Variants in LOXL2 observed in about 807,000 individuals in gnomAD.
LOXL2 encodes lysyl oxidase homolog 2.
LOXL2 carries 70 observed loss-of-function variants against 93.0 expected under a neutral mutation model. The ratio of observed to expected loss-of-function variants is 0.75; its 90% confidence interval spans 0.62 to 0.92. The LOEUF (loss-of-function observed/expected upper bound fraction) is 0.92. Ranked by LOEUF, LOXL2 falls within the 40% of genes least tolerant of loss-of-function variation. LOXL2 has a pLI of 0.00. For missense variants in LOXL2, 973 were observed against 1,054.9 expected (o/e 0.92, Z 1.08); for synonymous variants, 438 against 413.2 (o/e 1.06, Z -0.73).
rs191828426 is a variant in LOXL2, at chr8:23,394,318, G to A, written c.-84+9636C>T. Among the ~76,000 whole-genome samples, 50 of 151,510 alleles carry A rather than the reference G, an allele frequency of 3.3e-4. 1 individual carries two copies. The highest frequency in any genetic ancestry group is 1.4e-3 in the East Asian group (7 of 5,126). ...TGAGGCAGGAGAATCGCTTGAACTCGGGAGGTGGAGGTTGCAATGAGCCGA... is the reference window on the plus strand; with the variant it reads ...TGAGGCAGGAGAATCGCTTGAACTCAGGAGGTGGAGGTTGCAATGAGCCGA... On this transcript the variant is annotated intron_variant, in intron 1 of 13. Transcript: ENST00000389131.
intron 10 of LOXL2, among the ~76,000 whole-genome samples, chr8:23,309,395 G>T (rs1172107656): frequency 6.6e-6 from 1 of 152,230 alleles, no homozygotes; most frequent in South Asian, 2.1e-4. Flanking sequence ...CAACGAGGAG[G>T]GTATGGGCGC....
intron 5 of LOXL2, among the ~76,000 whole-genome samples, chr8:23,332,849 C>T (rs186979119): frequency 1.5e-5 from 2 of 133,536 alleles, no homozygotes; most frequent in Admixed American, 1.6e-4. Flanking sequence ...CCCCCGCACA[C>T]ATACACACAC....
chr8:23,325,716 T>G (rs1397912043), intron 6 of LOXL2, among the ~76,000 whole-genome samples: 1 of 152,212 alleles, frequency 6.6e-6, no homozygotes, highest in Admixed American at 6.5e-5. Flanking sequence ...CGCTGCATGC[T>G]GGCGGACTCG....
At chr8:23,377,594 A>C (rs1257968762) in intron 1 of LOXL2, among the ~76,000 whole-genome samples, 1 of 151,994 alleles carries the variant, frequency 6.6e-6, no homozygotes, top group African/African-American at 2.4e-5. Flanking sequence ...GTAGATCTTT[A>C]AGGACTTGCT....
At chr8:23,367,730 G>A (rs1014354241) in intron 2 of LOXL2, among the ~76,000 whole-genome samples, 5 of 152,172 alleles carry the variant, frequency 3.3e-5, no homozygotes, top group Non-Finnish European at 5.9e-5. Flanking sequence ...TTCCCAGGAT[G>A]TGAGACTTTC....
intron 7 of LOXL2, among the ~76,000 whole-genome samples, chr8:23,320,415 T>C (rs1291290275): frequency 1.3e-5 from 2 of 152,174 alleles, no homozygotes. Flanking sequence ...GGCACTTTTC[T>C]CTTTGCCACA....
intron 3 of LOXL2, among the ~76,000 whole-genome samples, chr8:23,353,200 C>T (rs944096356): frequency 6.6e-6 from 1 of 152,092 alleles, no homozygotes; most frequent in Admixed American, 6.5e-5. Context: ...GTCATCTTTC[C>T]TTATCTAATG....
chr8:23,390,695 G>C (rs1804831753), intron 1 of LOXL2, among the ~76,000 whole-genome samples: 1 of 152,150 alleles, frequency 6.6e-6, no homozygotes, highest in South Asian at 2.1e-4. Context: ...GAGTGCAAAA[G>C]CCAAATACAT....
intron 2 of LOXL2, chr8:23,364,656 G>C (rs1109986): frequency 0.54 from 81,233 of 151,712 alleles, 22,066 homozygotes; most frequent in Admixed American, 0.63. Flanking sequence ...GCCAACGTGG[G>C]AAAACCCCGT....
intron 9 of LOXL2, among the ~76,000 whole-genome samples, chr8:23,312,217 G>A (rs1235490879): frequency 6.6e-6 from 1 of 151,290 alleles, no homozygotes; most frequent in East Asian, 1.9e-4. Flanking sequence ...TTCTACCAGA[G>A]GTATAAGGAG....
intron 3 of LOXL2, among the ~76,000 whole-genome samples, chr8:23,354,791 G>A (rs1804158753): frequency 2.0e-5 from 3 of 151,840 alleles, no homozygotes; most frequent in Admixed American, 6.6e-5. Context: ...CTGGCAGGAT[G>A]TTGTCCAGTT....
chr8:23,367,152 G>A (rs763006091), intron 2 of LOXL2, among the ~76,000 whole-genome samples: 6 of 152,106 alleles, frequency 3.9e-5, no homozygotes, highest in African/African-American at 7.2e-5. Flanking sequence ...GGGTTCAAGC[G>A]ATTTTTGTGC....
At chr8:23,383,628 C>G (rs1286850555) in intron 1 of LOXL2, among the ~76,000 whole-genome samples, 1 of 139,574 alleles carries the variant, frequency 7.2e-6, no homozygotes, top group Admixed American at 7.1e-5. Flanking sequence ...TTAGTTATTT[C>G]TAAGAGGGCA....
chr8:23,387,490 T>C (rs1804782483), intron 1 of LOXL2, among the ~76,000 whole-genome samples: 1 of 152,162 alleles, frequency 6.6e-6, no homozygotes, highest in Non-Finnish European at 1.5e-5. Flanking sequence ...GGCGGGATGC[T>C]CTGCCACCTC....
At chr8:23,299,976 G>C (rs1415593777) in intron 12 of LOXL2, among the ~76,000 whole-genome samples, 1 of 152,232 alleles carries the variant, frequency 6.6e-6, no homozygotes, top group African/African-American at 2.4e-5. Context: ...TGTGCCTTTA[G>C]CTAAGGAGGT....
chr8:23,328,338 T>C (rs771108361), intron 6 of LOXL2, 44 bp downstream of exon 6: 2 of 1,598,290 alleles, frequency 1.3e-6, no homozygotes, highest in Non-Finnish European at 1.7e-6. Context: ...CACGGCACCA[T>C]GCTCCCAGGA....
chr8:23,390,245 T>G (rs1269328893), intron 1 of LOXL2, among the ~76,000 whole-genome samples: 1 of 152,162 alleles, frequency 6.6e-6, no homozygotes, highest in Non-Finnish European at 1.5e-5. Context: ...GGGAACACAT[T>G]CCTTTGTGGA....
At chr8:23,312,616 C>A (rs760002826) in intron 9 of LOXL2, among the ~76,000 whole-genome samples, 2,469 of 133,254 alleles carry the variant, frequency 0.019, 35 homozygotes, top group South Asian at 0.028. Context: ...ATGCTAAAAA[C>A]TCTCAATAAA....
intron 6 of LOXL2, among the ~76,000 whole-genome samples, chr8:23,327,731 A>G (rs13263698): frequency 0.59 from 89,348 of 151,916 alleles, 28,748 homozygotes; most frequent in Middle Eastern, 0.73. Context: ...CCTGGGGAGG[A>G]GAAATGACCT....
Sources: allele counts gnomAD v4.1 joint callset (sites outside exome capture counted in the v4.1 genomes callset), GRCh38; gene constraint gnomAD v4.1.1; transcripts MANE v1.5; gene names NCBI Gene and HGNC (gene_info 2026-07-23, HGNC 2026-07-21).